PCID2: variants seen among roughly 807,000 people sequenced by gnomAD.
PCID2 encodes the protein PCI domain containing 2, also known as PCI domain-containing protein 2.
PCID2 carries 41 observed loss-of-function variants against 61.3 expected under a neutral mutation model. The ratio of observed to expected loss-of-function variants is 0.67; its 90% CI spans 0.52 to 0.87. PCID2 has a LOEUF of 0.87. Ranked by LOEUF, PCID2 falls within the 40% of genes least tolerant of loss-of-function variation. PCID2 has a pLI of 0.00. For synonymous variants in PCID2, 187 were observed against 177.8 expected (o/e 1.05, Z -0.41); for missense variants, 392 against 493.4 (o/e 0.79, Z 1.95).
intron 7 of PCID2, chr13:113,187,946 C>A (rs926005901): frequency 6.6e-6 from 1 of 152,192 alleles, no homozygotes; most frequent in Admixed American, 6.5e-5. Context: ...CAAAAATATA[C>A]GATCAAGCGA....
chr13:113,206,844 T>C (rs1338690248), intron 1 of PCID2, among the ~76,000 whole-genome samples: 1 of 152,244 alleles, frequency 6.6e-6, no homozygotes, highest in Non-Finnish European at 1.5e-5. Context: ...AAGTCCATCC[T>C]GGGCCCAGCC....
At chr13:113,208,027 C>A in intron 1 of PCID2, 1 of 1,612,374 alleles carries the variant, frequency 6.2e-7, no homozygotes, top group Non-Finnish European at 8.5e-7. Context: ...TACTTACAAG[C>A]TGTTGAACAA....
chr13:113,195,191 G>A, intron 5 of PCID2, 66 bp from the exon 6 acceptor site: 1 of 926,320 alleles, frequency 1.1e-6, no homozygotes, highest in South Asian at 1.3e-5. Context: ...CCCAGAGGTG[G>A]GAAGAACACG....
the PCID2 span, among the ~76,000 whole-genome samples, chr13:113,165,540 G>GT: frequency 2.4e-4 from 37 of 151,932 alleles, no homozygotes; most frequent in Middle Eastern, 6.8e-3. Flanking sequence ...TTTTTGGTTT[G>GT]TTTTTTTTGA....
chr13:113,191,655 G>A (rs552728809), intron 6 of PCID2, among the ~76,000 whole-genome samples: 3 of 152,266 alleles, frequency 2.0e-5, no homozygotes, highest in Non-Finnish European at 4.4e-5. Flanking sequence ...CTCGCATTTG[G>A]GAGGATGGCC....
At chr13:113,191,796 T>C (rs2038640418) in intron 6 of PCID2, among the ~76,000 whole-genome samples, 1 of 152,236 alleles carries the variant, frequency 6.6e-6, no homozygotes, top group Non-Finnish European at 1.5e-5. Flanking sequence ...GGTCTTTTTT[T>C]ACTGTATTAA....
intron 9 of PCID2, among the ~76,000 whole-genome samples, chr13:113,183,433 GAAA>G (rs1180876763): frequency 6.8e-6 from 1 of 146,792 alleles, no homozygotes; most frequent in African/African-American, 2.5e-5. Context: ...CATATTAAGA[GAAA>G]AAAAAAGAGA....
rs775864215 is a variant in PCID2, at chr13:113,179,946, G to C, written c.957C>G (p.Ile319Met). 2 of 1,613,850 alleles carry C rather than the reference G, an allele frequency of 1.2e-6. No individual in the cohort carries two copies. The highest frequency in any genetic ancestry group is 8.5e-7 in the Non-Finnish European group (1 of 1,179,880). The part of the protein sequence containing the change: ...GIFLILEKLK[I>M]ITYRNLFKKV... The stretch of plus-strand genomic sequence containing the variant: ...TCTTAAAGAGGTTCCTGTAGGTGAT[G>C]ATCTTCAGCTTCTCCAGGATGAGGA... The change falls in exon 12 of 14, where the codon ATC becomes ATG. Residue 319 changes from isoleucine (I) to methionine (M), a missense_variant. Coordinates refer to ENST00000337344, the MANE Select transcript of PCID2 (RefSeq NM_001127202.4). This position sits in a 1 kb window ranked among gnomAD's most constrained non-coding sequence, Gnocchi z 4.3.
At position 113,179,709 on chromosome 13, in the gene PCID2, G is replaced by C. The variant is rs1031630211; in HGVS notation, c.986+208C>G. 2.0e-5 allele frequency among the ~76,000 whole-genome samples: 3 copies of C among 152,172 alleles called. No homozygotes were observed. Among genetic ancestry groups the C allele is most frequent in the Non-Finnish European group, 2.9e-5 (2 of 68,026 alleles). On this transcript the variant is annotated intron_variant, in intron 12 of 13. Transcript: ENST00000337344. The surrounding 1 kb of genome is among the most constrained non-coding windows in gnomAD (Gnocchi z 4.3). ...TAGAACCTGCTTACCTCCCCCACAAGTCCAGGCACAGCTTGTGCTACTCAC... is the reference window on the plus strand; with the variant it reads ...TAGAACCTGCTTACCTCCCCCACAACTCCAGGCACAGCTTGTGCTACTCAC...
chr13:113,196,320 C>T lies in PCID2; in HGVS notation c.267-98G>A, dbSNP rs117504451. 6.3e-4 allele frequency: 566 copies of T among 899,536 alleles called. 10 individuals carry two copies. In the East Asian group the frequency reaches 0.014, roughly 22 times the overall value. 55.7% of individuals were successfully genotyped at this position (899,536 alleles called of 1,614,324 possible). ...TCTAAATTTTAAGGAATGTAGATCACCCTTGAGCAGATTTATGTTGCAACA... is the reference window on the plus strand; with the variant it reads ...TCTAAATTTTAAGGAATGTAGATCATCCTTGAGCAGATTTATGTTGCAACA... On this transcript the variant is annotated intron_variant, in intron 4 of 13. Transcript: ENST00000337344.
intron 6 of PCID2, among the ~76,000 whole-genome samples, chr13:113,194,007 T>C (rs974760655): frequency 2.6e-5 from 4 of 152,118 alleles, no homozygotes; most frequent in Non-Finnish European, 5.9e-5. Context: ...TGGACTTTAT[T>C]TATCTTGTTT....
At chr13:113,180,764 CCA>C (rs1250284572) in intron 10 of PCID2, among the ~76,000 whole-genome samples, 1 of 152,042 alleles carries the variant, frequency 6.6e-6, no homozygotes, top group Non-Finnish European at 1.5e-5. Context: ...AATGAAATAC[CCA>C]CAGAGAGGGT....
At chr13:113,189,415 C>T (rs1020877064) in intron 7 of PCID2, among the ~76,000 whole-genome samples, 1 of 151,738 alleles carries the variant, frequency 6.6e-6, no homozygotes, top group African/African-American at 2.4e-5. Context: ...TTCTTACATT[C>T]CCCAGCCTCA....
rs181751138 is a variant in PCID2, at chr13:113,208,146, G to C, written c.36+453C>G. ...GGGGCACGAGCCCGGCCTGCAGCAC[G>C]GCCACAGCCTCGCGCTTACTCCTCC... On this transcript the variant is annotated intron_variant, in intron 1 of 13. Coordinates refer to ENST00000337344, the MANE Select transcript of PCID2 (RefSeq NM_001127202.4). The C allele has an allele frequency of 5.9e-5, 94 of 1,602,628 alleles. No individual in the cohort carries two copies. In the African/African-American group the frequency reaches 1.1e-3, roughly 18 times the overall value.
chr13:113,190,896 C>G lies in PCID2; in HGVS notation c.443G>C (p.Cys148Ser). The G allele has an allele frequency of 6.2e-7, 1 of 1,613,058 alleles. No homozygotes were observed. The highest frequency in any genetic ancestry group is 8.5e-7 in the Non-Finnish European group (1 of 1,179,300). ...LEKAAELLMS[C>S]FRVCASDTRA... is the part of the protein sequence containing the mutation. Reference sequence around the variant, plus strand: ...CGTGTCGCTGGCACAGACCCGGAAACAGCTCATCAGTAACTCTGCTGCTTT... The same window carrying G: ...CGTGTCGCTGGCACAGACCCGGAAAGAGCTCATCAGTAACTCTGCTGCTTT... Residue 148 changes from cysteine (C) to serine (S), a missense_variant, in exon 7 of 14, where the codon TGT (cysteine) becomes TCT (serine). Transcript: ENST00000337344.
downstream of PCID2, among the ~76,000 whole-genome samples, chr13:113,175,755 C>T (rs1254694624): frequency 6.6e-5 from 10 of 152,204 alleles, no homozygotes; most frequent in Admixed American, 3.9e-4. Flanking sequence ...CGCTTGCCTT[C>T]GTGCATTCAT....
Position 113,179,993 on chromosome 13 carries a change from A to C in PCID2, c.910T>G (p.Phe304Val). The change falls in exon 12 of 14, where the codon TTC (phenylalanine) becomes GTC (valine). Residue 304 changes from phenylalanine to valine, a missense_variant. Coordinates refer to ENST00000337344, the MANE Select transcript of PCID2 (RefSeq NM_001127202.4). The surrounding 1 kb of genome is among the most constrained non-coding windows in gnomAD (Gnocchi z 4.3). ...AGGAAGATTCCGCAGCGAATGAAGA[A>C]GGCCTCGTGCTTCGCCAGCGCCTCG... The part of the protein sequence containing the change: ...LHEALAKHEA[F>V]FIRCGIFLIL... The C allele has an allele frequency of 6.2e-7, 1 of 1,614,132 alleles. No individual in the cohort carries two copies. The highest frequency in any genetic ancestry group is 8.5e-7 in the Non-Finnish European group (1 of 1,179,994).
chr13:113,182,396 TC>T (rs2037721884), intron 9 of PCID2, among the ~76,000 whole-genome samples: 1 of 152,202 alleles, frequency 6.6e-6, no homozygotes, highest in South Asian at 2.1e-4. Context: ...GTCTGCAATA[TC>T]CCACCAGCTG....
chr13:113,181,659 C>T (rs892611738), intron 9 of PCID2, among the ~76,000 whole-genome samples: 1 of 152,186 alleles, frequency 6.6e-6, no homozygotes, highest in African/African-American at 2.4e-5. Context: ...CTTAGTAAAA[C>T]ACCATCCTCC....
Sources: gnomAD v4.1 joint callset for allele counts (sites outside exome capture counted in the v4.1 genomes callset) on GRCh38, gnomAD v4.1.1 for gene constraint, Gnocchi (gnomAD v3.1) non-coding constraint, MANE v1.5 for transcripts, NCBI Gene and HGNC (gene_info 2026-07-23, HGNC 2026-07-21) for gene names.